The following SLC25A19 variants were observed in gnomAD, a reference collection of about 807,000 sequenced individuals.
The protein encoded by SLC25A19 is solute carrier family 25 member 19, also known as mitochondrial thiamine pyrophosphate carrier.
Under a neutral mutation model 27.9 loss-of-function variants are expected in SLC25A19, and 18 were observed. The ratio of observed to expected loss-of-function variants is 0.64; its 90% CI spans 0.45 to 0.96. The LOEUF (loss-of-function observed/expected upper bound fraction) is 0.96. SLC25A19 is among the 40% of genes least tolerant of loss of function. The pLI is 0.00. For synonymous variants in SLC25A19, 169 were observed against 167.1 expected (o/e 1.01, Z -0.09); for missense variants, 371 against 418.3 (o/e 0.89, Z 0.99).
At chr17:75,274,659 A>G (rs2077818908) in intron 7 of SLC25A19, among the ~76,000 whole-genome samples, 1 of 152,092 alleles carries the variant, frequency 6.6e-6, no homozygotes, top group Non-Finnish European at 1.5e-5. Flanking sequence ...CTGTCCCTTC[A>G]TGCTGGGTGC....
Position 75,276,147 on chromosome 17 carries a change from C to T in SLC25A19, c.774+1206G>A, listed in dbSNP as rs748710792. Among the ~76,000 whole-genome samples the T allele has an allele frequency of 7.0e-4, 106 of 151,484 alleles. No homozygotes were observed. In the Middle Eastern group the frequency reaches 0.014, roughly 20 times the overall value. The stretch of plus-strand genomic sequence containing the variant: ...AAAATTAGCTGGGCGTGGTGGCACG[C>T]GCTTGTAATCCCAGCTACTTGGGAG... On this transcript the variant is annotated intron_variant, in intron 7 of 7. Transcript: ENST00000416858.
At chr17:75,285,357 C>T (rs1191999540) in intron 4 of SLC25A19, among the ~76,000 whole-genome samples, 1 of 152,240 alleles carries the variant, frequency 6.6e-6, no homozygotes, top group Non-Finnish European at 1.5e-5. Flanking sequence ...TCACTGCAGC[C>T]TCCGCCTCCC....
intron 5 of SLC25A19, among the ~76,000 whole-genome samples, chr17:75,279,072 G>A (rs2077971524): frequency 6.6e-6 from 1 of 151,658 alleles, no homozygotes; most frequent in African/African-American, 2.4e-5. Context: ...TGCCCAAACT[G>A]GTCTCGAACT....
intron 2 of SLC25A19, 36 bp from the exon 3 acceptor site, chr17:75,286,838 G>A (rs1490883168): frequency 6.3e-7 from 1 of 1,585,694 alleles, no homozygotes; most frequent in Admixed American, 1.7e-5. Flanking sequence ...CACCAGGCAA[G>A]TTTCTTATGG....
At chr17:75,277,553 C>T (rs1051640783) in intron 6 of SLC25A19, 70 bp from the exon 7 acceptor site, 14 of 1,579,874 alleles carry the variant, frequency 8.9e-6, no homozygotes, top group African/African-American at 2.7e-5. Flanking sequence ...ACTTAAAAGG[C>T]GTCAGGGCTA....
intron 4 of SLC25A19, among the ~76,000 whole-genome samples, chr17:75,284,765 C>T (rs979432297): frequency 3.3e-5 from 5 of 151,010 alleles, no homozygotes; most frequent in African/African-American, 1.2e-4. Flanking sequence ...ACCTCAGCTC[C>T]TCAAGTAGCT....
chr17:75,277,999 C>G (rs2077935556), intron 6 of SLC25A19, among the ~76,000 whole-genome samples, 153 bp downstream of exon 6: 1 of 152,168 alleles, frequency 6.6e-6, no homozygotes, highest in Admixed American at 6.6e-5. Flanking sequence ...CTCCAAGCAG[C>G]TGCAGTTGTT....
intron 7 of SLC25A19, among the ~76,000 whole-genome samples, chr17:75,275,093 A>G (rs1331374973): frequency 1.4e-5 from 2 of 143,568 alleles, no homozygotes; most frequent in African/African-American, 5.3e-5. Flanking sequence ...GGCTTAAGCA[A>G]TTCTCCTGCC....
At chr17:75,279,506 CT>C (rs35328245) in intron 5 of SLC25A19, among the ~76,000 whole-genome samples, 62,892 of 113,716 alleles carry the variant, frequency 0.55, 16,826 homozygotes, top group East Asian at 0.8. Context: ...ATGCTATTAT[CT>C]TTTTTTTTTT....
At chr17:75,274,464 C>A (rs938700934) in intron 7 of SLC25A19, among the ~76,000 whole-genome samples, 4 of 152,200 alleles carry the variant, frequency 2.6e-5, no homozygotes. Context: ...GTCCAAACCC[C>A]AAGATCTGCC....
intron 4 of SLC25A19, among the ~76,000 whole-genome samples, chr17:75,284,093 C>T (rs960495782): frequency 6.6e-6 from 1 of 150,790 alleles, no homozygotes; most frequent in African/African-American, 2.4e-5. Context: ...CCAGCCCGGG[C>T]GACAGAGCAA....
chr17:75,283,048 C>G (rs931504411), intron 5 of SLC25A19, among the ~76,000 whole-genome samples: 1 of 148,840 alleles, frequency 6.7e-6, no homozygotes, highest in Admixed American at 6.8e-5. Context: ...GCCTGTAATC[C>G]TAGCACTTTG....
At chr17:75,284,624 C>A (rs2078137134) in intron 4 of SLC25A19, among the ~76,000 whole-genome samples, 1 of 146,976 alleles carries the variant, frequency 6.8e-6, no homozygotes, top group Non-Finnish European at 1.5e-5. Context: ...CCCTTACATT[C>A]AGATCTTTCT....
chr17:75,284,356 T>C (rs1020746765), intron 4 of SLC25A19, among the ~76,000 whole-genome samples: 4 of 152,080 alleles, frequency 2.6e-5, no homozygotes, highest in Non-Finnish European at 5.9e-5. Context: ...TGAGCTGAGA[T>C]TGCGCCACTG....
intron 5 of SLC25A19, 42 bp downstream of exon 5, chr17:75,283,381 T>C (rs368106584): frequency 8.1e-6 from 13 of 1,603,560 alleles, no homozygotes; most frequent in Admixed American, 1.7e-5. Flanking sequence ...TGACAACACC[T>C]TCCTTATTTG....
chr17:75,278,088 T>C, intron 6 of SLC25A19, 64 bp downstream of exon 6: 1 of 1,564,044 alleles, frequency 6.4e-7, no homozygotes. Context: ...TCCTTTGTGA[T>C]TTGGAAGGGG....
At chr17:75,286,272 C>T in intron 4 of SLC25A19, 32 bp downstream of exon 4, 1 of 1,611,672 alleles carries the variant, frequency 6.2e-7, no homozygotes, top group Non-Finnish European at 8.5e-7. Flanking sequence ...CAACGTGACC[C>T]CAGAGGTCTG....
chr17:75,283,367 C>A, intron 5 of SLC25A19, 56 bp downstream of exon 5: 1 of 1,536,076 alleles, frequency 6.5e-7, no homozygotes, highest in East Asian at 2.3e-5. Context: ...GAATGCTACC[C>A]CTGTGACAAC....
At position 75,273,312 on chromosome 17, in the gene SLC25A19, G is replaced by C. The variant is rs1425654167; in HGVS notation, c.*139C>G. The C allele has an allele frequency of 2.4e-6, 2 of 842,412 alleles. No individual in the cohort carries two copies. Among genetic ancestry groups the C allele is most frequent in the East Asian group, 5.3e-5 (2 of 37,696 alleles). 52.2% of individuals were successfully genotyped at this position (842,412 alleles called of 1,614,324 possible). A position where few individuals can be genotyped will look rare whatever the true frequency, so the allele number is the denominator to read the frequency against. On this transcript the variant is annotated 3_prime_UTR_variant, in exon 8 of 8. Coordinates refer to ENST00000416858, the MANE Select transcript of SLC25A19 (RefSeq NM_001126121.2). Reference sequence around the variant, plus strand: ...CCCTGGACCTTCTGGTGGTGTCCCAGCTGGGTGGGTTCAAGGCTGCTACCC... The same window carrying C: ...CCCTGGACCTTCTGGTGGTGTCCCACCTGGGTGGGTTCAAGGCTGCTACCC...
Sources: gnomAD v4.1 joint callset for allele counts (sites outside exome capture counted in the v4.1 genomes callset) on GRCh38, gnomAD v4.1.1 for gene constraint, MANE v1.5 for transcripts, NCBI Gene and HGNC (gene_info 2026-07-23, HGNC 2026-07-21) for gene names.